Variants in EYS observed in about 807,000 individuals in gnomAD.
EYS encodes the protein EGF-like photoreceptor maintenance factor.
Under a neutral mutation model 282.1 loss-of-function variants are expected in EYS, and 250 were observed. That is an observed-to-expected ratio of 0.89 (90% CI 0.80 to 0.98). The LOEUF is 0.98. EYS is among the 50% of genes least tolerant of loss of function. EYS has a pLI of 0.00. For synonymous variants in EYS, 1,355 were observed against 1,282.9 expected (o/e 1.06, Z -1.20); for missense variants, 4,016 against 3,709.0 (o/e 1.08, Z -2.15).
chr6:65,508,092 C>T (rs1381561160), intron 2 of EYS, among the ~76,000 whole-genome samples: 1 of 148,768 alleles, frequency 6.7e-6, no homozygotes, highest in Middle Eastern at 3.7e-3. Context: ...TGGGCTTTGG[C>T]TTTATTTAGA....
chr6:63,737,277 A>C (rs919605851), intron 41 of EYS, among the ~76,000 whole-genome samples: 2 of 152,148 alleles, frequency 1.3e-5, no homozygotes, highest in Admixed American at 1.3e-4. Flanking sequence ...TACCTAATTT[A>C]TTGAGAGTTT....
chr6:64,525,294 C>G (rs1777880884), intron 26 of EYS, among the ~76,000 whole-genome samples: 1 of 151,676 alleles, frequency 6.6e-6, no homozygotes, highest in Non-Finnish European at 1.5e-5. Context: ...CAATGACAGA[C>G]CGGATAAAGA....
At chr6:64,001,450 C>T (rs1284958200) in intron 33 of EYS, among the ~76,000 whole-genome samples, 1 of 151,282 alleles carries the variant, frequency 6.6e-6, no homozygotes, top group African/African-American at 2.4e-5. Flanking sequence ...ATGCAACCGA[C>T]TTTTTTTTTC....
At chr6:64,235,312 T>G (rs1270365486) in intron 30 of EYS, among the ~76,000 whole-genome samples, 1 of 150,572 alleles carries the variant, frequency 6.6e-6, no homozygotes, top group Admixed American at 6.6e-5. Context: ...ATTGTTCAAT[T>G]CCCACCTATG....
intron 31 of EYS, among the ~76,000 whole-genome samples, chr6:64,166,761 G>A (rs936570387): frequency 1.3e-5 from 2 of 152,116 alleles, no homozygotes; most frequent in African/African-American, 4.8e-5. Context: ...AAAATTAATT[G>A]GGGAAAAGAT....
At chr6:63,836,523 A>G (rs1313363285) in intron 36 of EYS, among the ~76,000 whole-genome samples, 2 of 152,090 alleles carry the variant, frequency 1.3e-5, no homozygotes, top group Admixed American at 1.3e-4. Flanking sequence ...TGAGCATAAT[A>G]AACTTTGTCT....
At chr6:63,785,633 G>A (rs184860729) in intron 39 of EYS, among the ~76,000 whole-genome samples, 1 of 152,220 alleles carries the variant, frequency 6.6e-6, no homozygotes, top group Admixed American at 6.5e-5. Flanking sequence ...CCATTTTTTA[G>A]AACAAAAACA....
chr6:65,137,505 A>T (rs1272970598), intron 12 of EYS, among the ~76,000 whole-genome samples: 1 of 152,096 alleles, frequency 6.6e-6, no homozygotes. Context: ...GATGGAATGG[A>T]GAATCAGGGA....
At chr6:64,163,517 T>TATCTA (rs1215383768) in intron 31 of EYS, among the ~76,000 whole-genome samples, 1 of 152,144 alleles carries the variant, frequency 6.6e-6, no homozygotes, top group Admixed American at 6.6e-5. Context: ...AATATGTAAC[T>TATCTA]ATCTAATTGC....
At chr6:65,003,554 C>T (rs146993531) in intron 13 of EYS, among the ~76,000 whole-genome samples, 2,439 of 147,248 alleles carry the variant, frequency 0.017, 125 homozygotes, top group African/African-American at 0.055. Flanking sequence ...CACACCTATT[C>T]GCACACTCCC....
At chr6:65,077,610 A>G (rs1561954230) in intron 12 of EYS, among the ~76,000 whole-genome samples, 1 of 152,100 alleles carries the variant, frequency 6.6e-6, no homozygotes. Context: ...ATTAAACTCA[A>G]AATTATTTTT....
chr6:65,656,434 G>A (rs1767831623), intron 1 of EYS, among the ~76,000 whole-genome samples: 1 of 151,806 alleles, frequency 6.6e-6, no homozygotes, highest in African/African-American at 2.4e-5. Context: ...CTATTTCAGT[G>A]AACGTATGAA....
At chr6:65,193,674 G>A (rs779192321) in intron 12 of EYS, among the ~76,000 whole-genome samples, 1 of 151,244 alleles carries the variant, frequency 6.6e-6, no homozygotes, top group Non-Finnish European at 1.5e-5. Flanking sequence ...TTAGAGCTTC[G>A]TAAGGAACAA....
chr6:63,908,682 C>G (rs1470277232), intron 35 of EYS, among the ~76,000 whole-genome samples: 2 of 151,828 alleles, frequency 1.3e-5, no homozygotes, highest in Non-Finnish European at 2.9e-5. Flanking sequence ...AACTCCTGAC[C>G]TCAGGTTATC....
intron 34 of EYS, among the ~76,000 whole-genome samples, chr6:63,992,669 G>A (rs557223523): frequency 2.0e-5 from 3 of 151,818 alleles, no homozygotes; most frequent in Admixed American, 2.0e-4. Flanking sequence ...ATGAAATCAA[G>A]TTATGTCATT....
At chr6:63,734,033 C>T (rs946995039) in intron 41 of EYS, among the ~76,000 whole-genome samples, 2 of 152,032 alleles carry the variant, frequency 1.3e-5, no homozygotes, top group African/African-American at 2.4e-5. Context: ...AACAGAAAAC[C>T]AAATACTGTG....
At chr6:65,595,427 C>A (rs368401047) in intron 2 of EYS, among the ~76,000 whole-genome samples, 1 of 151,650 alleles carries the variant, frequency 6.6e-6, no homozygotes, top group South Asian at 2.1e-4. Context: ...ATGTAACAAA[C>A]CTGCACGTTG....
At chr6:64,333,323 T>C (rs530561263) in intron 29 of EYS, among the ~76,000 whole-genome samples, 55 of 152,292 alleles carry the variant, frequency 3.6e-4, no homozygotes, top group African/African-American at 1.3e-3. Context: ...TATCTCCATA[T>C]ATTTTGATTG....
intron 12 of EYS, among the ~76,000 whole-genome samples, chr6:65,114,723 C>A (rs1472428219): frequency 6.6e-6 from 1 of 151,840 alleles, no homozygotes; most frequent in Non-Finnish European, 1.5e-5. Flanking sequence ...CTCTACACTC[C>A]GGAGTCACTT....
Sources: allele counts gnomAD v4.1 joint callset (sites outside exome capture counted in the v4.1 genomes callset), GRCh38; gene constraint gnomAD v4.1.1; transcripts MANE v1.5; gene names NCBI Gene and HGNC (gene_info 2026-07-23, HGNC 2026-07-21).